HADHB: variants seen among roughly 807,000 people sequenced by gnomAD.
HADHB encodes the protein trifunctional enzyme subunit beta, mitochondrial.
A neutral mutation model predicts 61.9 loss-of-function variants in HADHB; 50 were observed. That is an observed-to-expected ratio of 0.81 (90% CI 0.64 to 1.02). HADHB has a LOEUF of 1.02. HADHB is among the 50% of genes least tolerant of loss of function. The pLI, the probability that HADHB is intolerant of heterozygous loss-of-function variation, is 0.00. For missense variants in HADHB, 504 were observed against 586.5 expected (o/e 0.86, Z 1.45); for synonymous variants, 191 against 201.6 (o/e 0.95, Z 0.45).
At chr2:26,281,925 G>C (rs1286887092) in intron 10 of HADHB, among the ~76,000 whole-genome samples, 1 of 151,762 alleles carries the variant, frequency 6.6e-6, no homozygotes. Flanking sequence ...TTTCTTCTTT[G>C]AAGTATGGTA....
At chr2:26,286,613 C>T (rs939425468) in intron 15 of HADHB, among the ~76,000 whole-genome samples, 2 of 152,002 alleles carry the variant, frequency 1.3e-5, no homozygotes, top group East Asian at 2.0e-4. Flanking sequence ...AGCGATTCTC[C>T]TGTCTCAGCC....
intron 5 of HADHB, among the ~76,000 whole-genome samples, chr2:26,272,468 T>C (rs1334986702): frequency 2.0e-5 from 3 of 151,738 alleles, no homozygotes; most frequent in Non-Finnish European, 4.4e-5. Flanking sequence ...GCCTCAGCCT[T>C]CCGAGTAGCT....
At chr2:26,276,807 A>G (rs973178149) in intron 6 of HADHB, among the ~76,000 whole-genome samples, 1 of 152,204 alleles carries the variant, frequency 6.6e-6, no homozygotes, top group African/African-American at 2.4e-5. Context: ...CATCGATAAG[A>G]AATTAGGTGA....
chr2:26,252,483 C>T (rs1258502976), intron 1 of HADHB, among the ~76,000 whole-genome samples: 2 of 152,184 alleles, frequency 1.3e-5, no homozygotes, highest in African/African-American at 4.8e-5. Flanking sequence ...CCCTTTCTTC[C>T]AGCCAACAAT....
intron 4 of HADHB, among the ~76,000 whole-genome samples, chr2:26,263,729 T>C (rs1489756722): frequency 2.0e-5 from 3 of 152,272 alleles, no homozygotes; most frequent in South Asian, 2.1e-4. Context: ...AACCTAGAGG[T>C]CCAGATAGCT....
In HADHB at chr2:26,263,492, TGA is replaced by T. The variant is rs1386220592; in HGVS notation, c.209+14_209+15del. On this transcript the variant is annotated intron_variant, in intron 4 of 15. Transcript: ENST00000317799. ...TGTCTGGCACTTCGTAAGTATGACA[TGA>T]TCATATTATTTTTTTCCTTCTTTTA... 6.8e-7 allele frequency: 1 copy of T among 1,477,090 alleles called. No individual in the cohort carries two copies. The highest frequency in any genetic ancestry group is 1.4e-5 in the African/African-American group (1 of 72,520). The allele number at this position is 1,477,090 out of a possible 1,614,324, so 91.5% of individuals were successfully genotyped here.
In HADHB at chr2:26,244,963, G is replaced by A; in HGVS notation, c.-36G>A. On this transcript the variant is annotated 5_prime_UTR_variant, in exon 1 of 16. Transcript: ENST00000317799. ...TACTTGGACCTGAACCTTGCTCCGA[G>A]AGGGAGTCCTCGCGGACGTCAGCCA... 3.3e-6 allele frequency: 1 copy of A among 299,904 alleles called. No individual in the cohort carries two copies. Among genetic ancestry groups the A allele is most frequent in the Admixed American group, 4.2e-5 (1 of 23,702 alleles). The allele number at this position is 299,904 out of a possible 1,614,324, so 18.6% of individuals were successfully genotyped here.
At position 26,252,815 on chromosome 2, in the gene HADHB, G is replaced by C. The variant is rs572925264; in HGVS notation, c.-8-1432G>C. On this transcript the variant is annotated intron_variant, in intron 1 of 15. Transcript: ENST00000317799. ...CCTGTGTGTGAGTAATATCCATGAAGTCAGTTCATGGAAGTGGAATTGCTG... is the reference window on the plus strand; with the variant it reads ...CCTGTGTGTGAGTAATATCCATGAACTCAGTTCATGGAAGTGGAATTGCTG... Among the ~76,000 whole-genome samples the C allele has an allele frequency of 1.5e-3, 221 of 152,322 alleles. 1 individual carries two copies. Among genetic ancestry groups the C allele is most frequent in the African/African-American group, 5.2e-3 (215 of 41,570 alleles).
At chr2:26,264,573 A>AAG (rs1553319804) in intron 4 of HADHB, among the ~76,000 whole-genome samples, 2 of 147,468 alleles carry the variant, frequency 1.4e-5, no homozygotes, top group Admixed American at 7.1e-5. Flanking sequence ...AAAAAAAAAA[A>AAG]GCAAGGTGCA....
Position 26,249,843 on chromosome 2 carries a change from GAA to G in HADHB, c.-8-4403_-8-4402del, listed in dbSNP as rs879939364. On this transcript the variant is annotated intron_variant, in intron 1 of 15. Transcript: ENST00000317799. ...ATGGTTGTTTGAGGCCTTGGTACCT[GAA>G]TCAATGATCTTGGCAGAGAGAATGA... 2.8e-3 allele frequency among the ~76,000 whole-genome samples: 426 copies of G among 152,096 alleles called. 1 individual carries two copies. The highest frequency in any genetic ancestry group is 6.8e-3 in the Middle Eastern group (2 of 294).
At chr2:26,270,613 T>C (rs1672298202) in intron 5 of HADHB, among the ~76,000 whole-genome samples, 2 of 152,208 alleles carry the variant, frequency 1.3e-5, no homozygotes, top group Admixed American at 6.5e-5. Flanking sequence ...CAGTTGTTTC[T>C]GTTTCCTTAT....
At chr2:26,261,882 C>T (rs1009481803) in intron 3 of HADHB, among the ~76,000 whole-genome samples, 32 of 150,982 alleles carry the variant, frequency 2.1e-4, no homozygotes, top group Non-Finnish European at 4.3e-4. Context: ...CTGTTTTCCT[C>T]TTTCCTTTCT....
chr2:26,245,105 G>T (rs923452572), intron 1 of HADHB, 115 bp downstream of exon 1: 1 of 212,470 alleles, frequency 4.7e-6, no homozygotes. Flanking sequence ...GGGAAAGTGG[G>T]AGTTGAGGGA....
intron 3 of HADHB, among the ~76,000 whole-genome samples, chr2:26,258,253 A>G (rs1360537889): frequency 1.3e-5 from 2 of 152,096 alleles, no homozygotes; most frequent in Admixed American, 6.6e-5. Flanking sequence ...AGAGCTCCCA[A>G]GATGGGGCAG....
intron 13 of HADHB, 72 bp from the exon 14 acceptor site, chr2:26,284,811 C>T: frequency 2.3e-6 from 2 of 868,142 alleles, no homozygotes; most frequent in Non-Finnish European, 4.0e-6. Flanking sequence ...TAAACTTTCA[C>T]AAACCATTCC....
chr2:26,278,777 C>A lies in HADHB; in HGVS notation c.606C>A (p.Phe202Leu). 1 of 1,614,036 alleles carries A rather than the reference C, an allele frequency of 6.2e-7. No homozygotes were observed. The highest frequency in any genetic ancestry group is 2.2e-5 in the East Asian group (1 of 44,876). ...MGQRLSLISK[F>L]RFNFLAPELP... is the part of the protein sequence containing the mutation. ...AGCGACTGTCTTTAATCTCTAAATT[C>A]CGATTTAATTTCCTAGCACCTGAGG... The change falls in exon 8 of 16, where the codon TTC becomes TTA. Residue 202 changes from phenylalanine to leucine, a missense_variant. Coordinates refer to ENST00000317799, the MANE Select transcript of HADHB (RefSeq NM_000183.3).
At position 26,290,308 on chromosome 2, in the gene HADHB, T is replaced by C. The variant is rs978068317; in HGVS notation, c.*355T>C. On this transcript the variant is annotated 3_prime_UTR_variant, in exon 16 of 16. Transcript: ENST00000317799. ...TATTTGCAAATTATACTTGTTCTTA[T>C]CTGTGTCCTAAAGATGTGTTCTCTA... The C allele has an allele frequency of 4.0e-5, 13 of 322,642 alleles. No individual in the cohort carries two copies. The highest frequency in any genetic ancestry group is 1.9e-4 in the African/African-American group (9 of 46,828). 20.0% of individuals were successfully genotyped at this position (322,642 alleles called of 1,614,324 possible).
chr2:26,279,865 A>T, intron 9 of HADHB, 129 bp from the exon 10 acceptor site: 1 of 695,782 alleles, frequency 1.4e-6, no homozygotes. Context: ...ATTATAAAAC[A>T]CTTTCCTTCT....
intron 1 of HADHB, among the ~76,000 whole-genome samples, chr2:26,252,990 CT>C (rs1671462636): frequency 6.6e-6 from 1 of 152,232 alleles, no homozygotes; most frequent in South Asian, 2.1e-4. Flanking sequence ...ACCTTTGAAT[CT>C]TTGCTACTTT....
Sources: allele counts gnomAD v4.1 joint callset (sites outside exome capture counted in the v4.1 genomes callset), GRCh38; gene constraint gnomAD v4.1.1; transcripts MANE v1.5; gene names NCBI Gene and HGNC (gene_info 2026-07-23, HGNC 2026-07-21).